PTPRD: variants seen among roughly 807,000 people sequenced by gnomAD.
PTPRD encodes the protein protein tyrosine phosphatase receptor type D, also known as receptor-type tyrosine-protein phosphatase delta.
A neutral mutation model predicts 214.5 loss-of-function variants in PTPRD; 34 were observed. The ratio of observed to expected loss-of-function variants is 0.16; its 90% CI spans 0.12 to 0.21. PTPRD has a LOEUF of 0.21. Ranked by LOEUF, PTPRD falls within the 10% of genes least tolerant of loss-of-function variation. The pLI is 1.00. For synonymous variants in PTPRD, 1,128 were observed against 845.7 expected (o/e 1.33, Z -5.79); for missense variants, 2,545 against 2,398.7 (o/e 1.06, Z -1.27).
chr9:8,561,804 G>A (rs1234883732), intron 14 of PTPRD, among the ~76,000 whole-genome samples: 1 of 151,038 alleles, frequency 6.6e-6, no homozygotes, highest in Non-Finnish European at 1.5e-5. Flanking sequence ...TAAAGGGTAA[G>A]GGTAACGGTT....
intron 12 of PTPRD, among the ~76,000 whole-genome samples, chr9:8,725,465 T>C (rs1033043744): frequency 6.6e-6 from 1 of 152,150 alleles, no homozygotes; most frequent in Admixed American, 6.5e-5. Context: ...TCAGTCAATG[T>C]CCCTTGAAAT....
At chr9:9,634,868 T>A (rs2095707609) in intron 7 of PTPRD, among the ~76,000 whole-genome samples, 1 of 152,180 alleles carries the variant, frequency 6.6e-6, no homozygotes, top group Admixed American at 6.6e-5. Flanking sequence ...TTATGTTGAG[T>A]ACTTGTGCTA....
At chr9:10,187,376 A>G (rs1330965520) in intron 3 of PTPRD, among the ~76,000 whole-genome samples, 2 of 152,324 alleles carry the variant, frequency 1.3e-5, no homozygotes, top group South Asian at 4.1e-4. Context: ...TAGGATCCTG[A>G]CTTTTATTAT....
chr9:9,184,098 T>A (rs1220198563), intron 9 of PTPRD, among the ~76,000 whole-genome samples: 2 of 152,064 alleles, frequency 1.3e-5, no homozygotes, highest in Admixed American at 6.6e-5. Context: ...TAAACTCTTA[T>A]TCCTCCTTCA....
chr9:9,928,843 T>G (rs2085314845), intron 5 of PTPRD, among the ~76,000 whole-genome samples: 2 of 152,010 alleles, frequency 1.3e-5, no homozygotes, highest in South Asian at 4.1e-4. Context: ...TTCTTTAAAC[T>G]TGATGCTTTG....
At chr9:9,597,412 A>G (rs1481417144) in intron 7 of PTPRD, among the ~76,000 whole-genome samples, 3 of 152,112 alleles carry the variant, frequency 2.0e-5, no homozygotes, top group Non-Finnish European at 4.4e-5. Context: ...CGAGGAATAA[A>G]GGACCGGTTC....
chr9:9,079,009 G>C (rs965951929), intron 10 of PTPRD, among the ~76,000 whole-genome samples: 3 of 151,914 alleles, frequency 2.0e-5, no homozygotes, highest in South Asian at 2.1e-4. Flanking sequence ...ATCAGATCAG[G>C]GTAATCAGCA....
At chr9:9,517,728 T>C (rs998559967) in intron 8 of PTPRD, among the ~76,000 whole-genome samples, 11 of 152,092 alleles carry the variant, frequency 7.2e-5, no homozygotes, top group East Asian at 1.9e-4. Context: ...GAATTTATTA[T>C]GTAAAAATTT....
chr9:10,063,166 G>A (rs1188639976), intron 3 of PTPRD, among the ~76,000 whole-genome samples: 1 of 151,968 alleles, frequency 6.6e-6, no homozygotes, highest in African/African-American at 2.4e-5. Flanking sequence ...TATGTAACAA[G>A]GTCAAGTTCT....
intron 10 of PTPRD, among the ~76,000 whole-genome samples, chr9:9,140,910 C>G (rs2154480791): frequency 6.6e-6 from 1 of 152,212 alleles, no homozygotes; most frequent in East Asian, 1.9e-4. Flanking sequence ...ACTCCCATTT[C>G]TTTTTCTTCC....
chr9:10,320,510 G>C (rs568922344), intron 3 of PTPRD, among the ~76,000 whole-genome samples: 53 of 152,002 alleles, frequency 3.5e-4, no homozygotes, highest in African/African-American at 1.2e-3. Context: ...TGTATCTTCT[G>C]ATATTGCAAC....
At chr9:9,125,284 G>C (rs1202786930) in intron 10 of PTPRD, among the ~76,000 whole-genome samples, 1 of 152,116 alleles carries the variant, frequency 6.6e-6, no homozygotes, top group Non-Finnish European at 1.5e-5. Context: ...CCTGTCATGG[G>C]AGCACCTCGC....
intron 9 of PTPRD, among the ~76,000 whole-genome samples, chr9:9,242,064 T>C (rs1214746970): frequency 6.6e-6 from 1 of 152,106 alleles, no homozygotes; most frequent in East Asian, 1.9e-4. Flanking sequence ...TCTCAGCATT[T>C]GCTTGTCTGT....
At chr9:10,451,289 T>G (rs1313552080) in intron 2 of PTPRD, among the ~76,000 whole-genome samples, 2 of 151,958 alleles carry the variant, frequency 1.3e-5, no homozygotes, top group African/African-American at 2.4e-5. Context: ...ATGAATTACA[T>G]TTGCTTATTT....
chr9:8,657,105 T>A (rs952081329), intron 12 of PTPRD, among the ~76,000 whole-genome samples: 1 of 152,176 alleles, frequency 6.6e-6, no homozygotes, highest in African/African-American at 2.4e-5. Flanking sequence ...TTCTTTCATA[T>A]GTTTGTTGGT....
At chr9:8,522,919 T>C (rs2097919452) in intron 19 of PTPRD, among the ~76,000 whole-genome samples, 1 of 152,122 alleles carries the variant, frequency 6.6e-6, no homozygotes, top group African/African-American at 2.4e-5. Context: ...TCTGAAAACT[T>C]TTTGGCTGCT....
chr9:9,136,136 C>A (rs78127987), intron 10 of PTPRD, among the ~76,000 whole-genome samples: 16 of 152,208 alleles, frequency 1.1e-4, no homozygotes, highest in African/African-American at 3.4e-4. Context: ...GCTTTTACAA[C>A]TTCATCAAAT....
intron 11 of PTPRD, among the ~76,000 whole-genome samples, chr9:8,743,258 A>G (rs1210665979): frequency 6.6e-6 from 1 of 152,130 alleles, no homozygotes; most frequent in Non-Finnish European, 1.5e-5. Flanking sequence ...TTTTTGTCCT[A>G]AGTTAGAACC....
intron 8 of PTPRD, among the ~76,000 whole-genome samples, chr9:9,569,252 G>T (rs1019524723): frequency 1.3e-5 from 2 of 151,272 alleles, no homozygotes; most frequent in Admixed American, 1.3e-4. Flanking sequence ...TGATTAAATG[G>T]CACAATAATT....
Sources: allele counts gnomAD v4.1 joint callset (sites outside exome capture counted in the v4.1 genomes callset), GRCh38; gene constraint gnomAD v4.1.1; transcripts MANE v1.5; gene names NCBI Gene and HGNC (gene_info 2026-07-23, HGNC 2026-07-21).